Variants in CBL observed in about 807,000 individuals in gnomAD.
The protein encoded by CBL is Cbl proto-oncogene.
CBL carries 45 observed loss-of-function variants against 96.9 expected under a neutral mutation model. The ratio of observed to expected loss-of-function variants is 0.46; its 90% CI spans 0.37 to 0.60. The LOEUF is 0.60. Ranked by LOEUF, CBL falls within the 20% of genes least tolerant of loss-of-function variation. CBL has a pLI of 0.00. For missense variants in CBL, 1,024 were observed against 1,143.5 expected (o/e 0.90, Z 1.51); for synonymous variants, 420 against 426.8 (o/e 0.98, Z 0.20).
At chr11:119,270,741 C>T (rs906339460) in intron 2 of CBL, among the ~76,000 whole-genome samples, 12 of 152,116 alleles carry the variant, frequency 7.9e-5, no homozygotes, top group Admixed American at 2.0e-4. Context: ...CCACCGCGCC[C>T]GGCCATTTTT....
intron 11 of CBL, 39 bp downstream of exon 11, chr11:119,285,605 A>G (rs1949979057): frequency 1.2e-6 from 2 of 1,605,568 alleles, no homozygotes; most frequent in Non-Finnish European, 1.7e-6. Context: ...CTGTTAAGAA[A>G]TATGTGTGGG....
chr11:119,243,117 A>C (rs2135273671), intron 2 of CBL, among the ~76,000 whole-genome samples: 1 of 152,178 alleles, frequency 6.6e-6, no homozygotes, highest in Non-Finnish European at 1.5e-5. Context: ...GTCTCTACTA[A>C]AAATACAAAA....
At position 119,287,955 on chromosome 11, in the gene CBL, G is replaced by T. The variant is rs142704935; in HGVS notation, c.2036+9G>T. On this transcript the variant is annotated intron_variant, in intron 12 of 15. Transcript: ENST00000264033. ...TATTCTCTGGCTGCCAGGTAAGTCT[G>T]CTAAAGCTATATTTTGTACAGTGGA... 2.0e-4 allele frequency: 319 copies of T among 1,592,424 alleles called. 1 individual carries two copies. The highest frequency in any genetic ancestry group is 2.0e-3 in the African/African-American group (147 of 74,560).
chr11:119,209,659 A>G (rs1186518742), intron 1 of CBL, among the ~76,000 whole-genome samples: 1 of 152,118 alleles, frequency 6.6e-6, no homozygotes, highest in Non-Finnish European at 1.5e-5. Flanking sequence ...AATGACACAC[A>G]TTTAGTTCTA....
intron 1 of CBL, among the ~76,000 whole-genome samples, chr11:119,209,226 A>G (rs1949298130): frequency 6.6e-6 from 1 of 152,188 alleles, no homozygotes; most frequent in Non-Finnish European, 1.5e-5. Context: ...TATTGTTGAA[A>G]GTCTTAAATG....
In CBL at chr11:119,307,080, C is replaced by G. The variant is rs1950149170; in HGVS notation, c.*7299C>G. 1 of 230,694 alleles carries G rather than the reference C, an allele frequency of 4.3e-6. No homozygotes were observed. The highest frequency in any genetic ancestry group is 8.6e-6 in the Non-Finnish European group (1 of 116,252). The allele number at this position is 230,694 out of a possible 1,614,324, so 14.3% of individuals were successfully genotyped here. A position where few individuals can be genotyped will look rare whatever the true frequency, so the allele number is the denominator to read the frequency against. On this transcript the variant is annotated 3_prime_UTR_variant, in exon 16 of 16. Transcript: ENST00000264033. ...TCATTAGTCCTTAGTGTCTAGGAGA[C>G]AGGAAAGAATGCTCTCTGTGACTGG...
intron 1 of CBL, among the ~76,000 whole-genome samples, chr11:119,224,336 G>T (rs1248537905): frequency 1.3e-5 from 2 of 152,040 alleles, no homozygotes; most frequent in African/African-American, 4.8e-5. Context: ...CAGCTAGGAG[G>T]TTAGGGGCAC....
chr11:119,282,972 C>T lies in CBL; in HGVS notation c.1432-1997C>T, dbSNP rs1949950090. Among the ~76,000 whole-genome samples the T allele has an allele frequency of 2.0e-5, 3 of 151,600 alleles. No homozygotes were observed. In the South Asian group the frequency reaches 6.2e-4, roughly 31 times the overall value. On this transcript the variant is annotated intron_variant, in intron 9 of 15. Coordinates refer to ENST00000264033, the MANE Select transcript of CBL (RefSeq NM_005188.4). ...AAAAGCCACATGTGGTGGCGCACAG[C>T]TTGTCCCAGCTACTTGAGAGGCTGA...
At chr11:119,287,447 A>G (rs1369342660) in intron 11 of CBL, among the ~76,000 whole-genome samples, 1 of 152,218 alleles carries the variant, frequency 6.6e-6, no homozygotes, top group Non-Finnish European at 1.5e-5. Context: ...AGAAAGGGTA[A>G]TGCTCAAGTG....
chr11:119,218,075 TAAAG>T (rs1949377394), intron 1 of CBL, among the ~76,000 whole-genome samples: 1 of 151,850 alleles, frequency 6.6e-6, no homozygotes, highest in Non-Finnish European at 1.5e-5. Flanking sequence ...TGTCTCTAAA[TAAAG>T]GAAAGGAAAA....
intron 2 of CBL, among the ~76,000 whole-genome samples, chr11:119,270,717 A>T (rs910838036): frequency 1.3e-5 from 2 of 151,812 alleles, no homozygotes; most frequent in African/African-American, 4.8e-5. Flanking sequence ...AAGTGCTGGG[A>T]TTACAGGCGT....
intron 11 of CBL, among the ~76,000 whole-genome samples, chr11:119,286,410 A>C (rs1949984867): frequency 6.6e-6 from 1 of 152,254 alleles, no homozygotes; most frequent in South Asian, 2.1e-4. Context: ...CTTAAGTTTT[A>C]GAGAAATAAG....
At chr11:119,290,770 G>T (rs141808822) in intron 12 of CBL, among the ~76,000 whole-genome samples, 252 of 151,596 alleles carry the variant, frequency 1.7e-3, no homozygotes, top group Non-Finnish European at 2.3e-3. Context: ...CCGCCTCCTG[G>T]GTTCAAGCGA....
rs143802875 is a variant in CBL at position 119,282,921 on chromosome 11, G to A, written c.1432-2048G>A. The stretch of plus-strand genomic sequence containing the variant: ...CAACATGACAAGACCCCGTCTACCC[G>A]TGCCTTCCCCGCGCCCCAAAAAAAA... On this transcript the variant is annotated intron_variant, in intron 9 of 15. Transcript: ENST00000264033. Among the ~76,000 whole-genome samples the A allele has an allele frequency of 7.3e-3, 1,112 of 151,704 alleles. 11 individuals are homozygous for A. The highest frequency in any genetic ancestry group is 0.022 in the African/African-American group (898 of 41,362).
rs545785371 is a variant in CBL, at chr11:119,303,404, G to A, written c.*3623G>A. 4.7e-4 allele frequency: 110 copies of A among 233,520 alleles called. 1 individual carries two copies. The highest frequency in any genetic ancestry group is 2.4e-3 in the African/African-American group (110 of 45,482). 14.5% of individuals were successfully genotyped at this position (233,520 alleles called of 1,614,324 possible). A position where few individuals can be genotyped will look rare whatever the true frequency, so the allele number is the denominator to read the frequency against. On this transcript the variant is annotated 3_prime_UTR_variant, in exon 16 of 16. Coordinates refer to ENST00000264033, the MANE Select transcript of CBL (RefSeq NM_005188.4). Reference sequence around the variant, plus strand: ...AAATGTTTATGAGTGATGACCATGTGCCAGAAATGTCAGGTATGTGTCCTT... The same window carrying A: ...AAATGTTTATGAGTGATGACCATGTACCAGAAATGTCAGGTATGTGTCCTT...
At chr11:119,274,703 G>A (rs1203915459) in intron 4 of CBL, 129 bp from the exon 5 acceptor site, 3 of 838,710 alleles carry the variant, frequency 3.6e-6, no homozygotes, top group African/African-American at 1.7e-5. Context: ...TCTTCTCTCT[G>A]AGTGATGGTA....
chr11:119,256,686 GT>G (rs56753854), intron 2 of CBL, among the ~76,000 whole-genome samples: 28,239 of 134,690 alleles, frequency 0.21, 3,231 homozygotes, highest in East Asian at 0.4. Context: ...TATGTAGTTT[GT>G]TTTTTTTTTT....
intron 2 of CBL, among the ~76,000 whole-genome samples, chr11:119,245,350 A>G (rs575629481): frequency 2.6e-5 from 4 of 152,242 alleles, no homozygotes; most frequent in Non-Finnish European, 5.9e-5. Context: ...ACCATATTTG[A>G]TATTAAAACC....
At chr11:119,290,971 G>A (rs923813600) in intron 12 of CBL, among the ~76,000 whole-genome samples, 1 of 152,062 alleles carries the variant, frequency 6.6e-6, no homozygotes, top group Non-Finnish European at 1.5e-5. Flanking sequence ...GAGCCACTGC[G>A]CCTGGCCCAG....
Sources: gnomAD v4.1 joint callset for allele counts (sites outside exome capture counted in the v4.1 genomes callset) on GRCh38, gnomAD v4.1.1 for gene constraint, MANE v1.5 for transcripts, NCBI Gene and HGNC (gene_info 2026-07-23, HGNC 2026-07-21) for gene names.